The following G6PC2 variants were observed in gnomAD, a reference collection of about 807,000 sequenced individuals.
G6PC2 encodes glucose-6-phosphatase 2.
In G6PC2, 41 loss-of-function variants were observed where a neutral mutation model predicts 35.4. The ratio of observed to expected loss-of-function variants is 1.16; its 90% CI spans 0.90 to 1.50. The LOEUF is 1.50. G6PC2 is among the 40% of genes most tolerant of loss of function. The pLI, the probability that G6PC2 is intolerant of heterozygous loss-of-function variation, is 0.00. For missense variants in G6PC2, 441 were observed against 426.5 expected, an observed-to-expected ratio of 1.03 and a Z score of -0.30; for synonymous variants, 165 against 153.2, an observed-to-expected ratio of 1.08 and a Z score of -0.57.
chr2:168,902,183 A>G (rs1023173246), intron 1 of G6PC2, among the ~76,000 whole-genome samples: 1 of 152,254 alleles, frequency 6.6e-6, no homozygotes, highest in Non-Finnish European at 1.5e-5. Flanking sequence ...CTAAGTATCC[A>G]AAGCACCCAT....
intron 2 of G6PC2, among the ~76,000 whole-genome samples, chr2:168,903,633 A>G (rs116700239): frequency 3.9e-4 from 59 of 152,258 alleles, no homozygotes; most frequent in African/African-American, 1.4e-3. Context: ...AGAGAAAAGA[A>G]AGAAAGACTG....
rs1455537065 is a variant in G6PC2 at position 168,908,397 on chromosome 2, C to G, written c.*318C>G. 4.8e-6 allele frequency: 2 copies of G among 416,016 alleles called. No individual in the cohort carries two copies. Among genetic ancestry groups the G allele is most frequent in the African/African-American group, 2.0e-5 (1 of 49,442 alleles). 25.8% of individuals were successfully genotyped at this position (416,016 alleles called of 1,614,324 possible). ...CTGACCAGAGCTGCATACTAACAGT[C>G]CCCAGTAGGAGGCAAGGACTCCATT... is the stretch of plus-strand genomic sequence containing the variant. On this transcript the variant is annotated 3_prime_UTR_variant, in exon 5 of 5. Transcript: ENST00000375363.
Position 168,906,763 on chromosome 2 carries a change from T to A in G6PC2, c.540T>A (p.Ile180=), listed in dbSNP as rs774625522. ...CAACACATTTTCCTCATCAAGTTATTCTTGGAGTAATTGGTGGTAAATATG... is the reference window on the plus strand; with the variant it reads ...CAACACATTTTCCTCATCAAGTTATACTTGGAGTAATTGGTGGTAAATATG... ...FIATHFPHQV[I]LGVIGGMLVA... The change falls in exon 4 of 5, where the codon ATT becomes ATA. Residue 180 remains isoleucine (I), a synonymous_variant. Coordinates refer to ENST00000375363, the MANE Select transcript of G6PC2 (RefSeq NM_021176.3). 5.9e-6 allele frequency: 9 copies of A among 1,524,758 alleles called. No homozygotes were observed. The highest frequency in any genetic ancestry group is 1.4e-5 in the African/African-American group (1 of 73,178). 94.5% of individuals were successfully genotyped at this position (1,524,758 alleles called of 1,614,324 possible).
chr2:168,908,291 A>C lies in G6PC2; in HGVS notation c.*212A>C. 1.7e-6 allele frequency: 1 copy of C among 601,968 alleles called. No individual in the cohort carries two copies. Among genetic ancestry groups the C allele is most frequent in the Non-Finnish European group, 2.9e-6 (1 of 340,416 alleles). 37.3% of individuals were successfully genotyped at this position (601,968 alleles called of 1,614,324 possible). A position where few individuals can be genotyped will look rare whatever the true frequency, so the allele number is the denominator to read the frequency against. ...CAATATTTAGATACAAGAATATTTG[A>C]CATAAAAATCGGAAGTTCTGTATTT... is the stretch of plus-strand genomic sequence containing the variant. On this transcript the variant is annotated 3_prime_UTR_variant, in exon 5 of 5. Transcript: ENST00000375363.
chr2:168,902,663 A>C, intron 2 of G6PC2, 109 bp downstream of exon 2: 68 of 722,440 alleles, frequency 9.4e-5, no homozygotes, highest in East Asian at 2.4e-4. Flanking sequence ...AGAAAATCTC[A>C]TGAGTGAGGA....
chr2:168,909,646 G>A lies in G6PC2; in HGVS notation c.*1567G>A, dbSNP rs969666833. ...ATCTAGGAATGCTGGGCTTTAAGTT[G>A]ATAACTGTGTCATTTCAATCAAGTA... On this transcript the variant is annotated 3_prime_UTR_variant, in exon 5 of 5. Transcript: ENST00000375363. 6.6e-6 allele frequency: 1 copy of A among 152,108 alleles called. No individual in the cohort carries two copies. The highest frequency in any genetic ancestry group is 2.4e-5 in the African/African-American group (1 of 41,406). The allele number at this position is 152,108 out of a possible 1,614,324, so 9.4% of individuals were successfully genotyped here. A position where few individuals can be genotyped will look rare whatever the true frequency, so the allele number is the denominator to read the frequency against.
At chr2:168,902,121 C>T (rs931348455) in intron 1 of G6PC2, among the ~76,000 whole-genome samples, 9 of 152,124 alleles carry the variant, frequency 5.9e-5, no homozygotes, top group African/African-American at 1.4e-4. Context: ...ACATGAGCAG[C>T]GTGATAATGA....
rs188608901 is a variant in G6PC2 at position 168,909,485 on chromosome 2, C to T, written c.*1406C>T. On this transcript the variant is annotated 3_prime_UTR_variant, in exon 5 of 5. Transcript: ENST00000375363. ...ACCCAGGCCAACTATTAAATGCTTG[C>T]ATCTGTTAGCTGGATTAGTCTCTAT... 3 of 152,348 alleles carry T rather than the reference C, an allele frequency of 2.0e-5. No homozygotes were observed. The highest frequency in any genetic ancestry group is 2.0e-4 in the Admixed American group (3 of 15,302). The allele number at this position is 152,348 out of a possible 1,614,324, so 9.4% of individuals were successfully genotyped here. A position where few individuals can be genotyped will look rare whatever the true frequency, so the allele number is the denominator to read the frequency against.
rs777921361 is a variant in G6PC2 at position 168,901,483 on chromosome 2, A to G, written c.152A>G (p.Gln51Arg). The G allele has an allele frequency of 1.1e-5, 17 of 1,600,652 alleles. No homozygotes were observed. The highest frequency in any genetic ancestry group is 1.3e-5 in the Non-Finnish European group (15 of 1,167,824). ...TTTCCACTTTGTTTTCAATTTAATC[A>G]GACAGTTGGAACCAAGATGATATGG... The part of the protein sequence containing the change: ...IYFPLCFQFN[Q>R]TVGTKMIWVA... The change falls in exon 1 of 5, where the codon CAG (glutamine) becomes CGG (arginine). Residue 51 changes from glutamine to arginine, a missense_variant. Coordinates refer to ENST00000375363, the MANE Select transcript of G6PC2 (RefSeq NM_021176.3).
chr2:168,901,510 T>G lies in G6PC2; in HGVS notation c.179T>G (p.Val60Gly). 1.9e-6 allele frequency: 3 copies of G among 1,580,598 alleles called. No homozygotes were observed. The highest frequency in any genetic ancestry group is 2.6e-6 in the Non-Finnish European group (3 of 1,149,560). ...NQTVGTKMIW[V>G]AVIGDWLNLI... Reference sequence around the variant, plus strand: ...ACAGTTGGAACCAAGATGATATGGGTAGCAGTCATTGGGGATTGGTTAAAT... The same window carrying G: ...ACAGTTGGAACCAAGATGATATGGGGAGCAGTCATTGGGGATTGGTTAAAT... Residue 60 changes from valine (V) to glycine (G), a missense_variant, in exon 1 of 5, where the codon GTA (valine) becomes GGA (glycine). By Grantham distance (109) the Val-to-Gly change is moderately radical (BLOSUM62 -3). Transcript: ENST00000375363.
intron 4 of G6PC2, 29 bp from the exon 5 acceptor site, chr2:168,907,539 C>G (rs772144472): frequency 1.2e-6 from 2 of 1,611,104 alleles, no homozygotes; most frequent in Non-Finnish European, 1.7e-6. Context: ...GGCACACAGT[C>G]ATTGTCAGTG....
At chr2:168,901,735 TTG>T (rs1194160741) in intron 1 of G6PC2, among the ~76,000 whole-genome samples, 186 bp downstream of exon 1, 2 of 91,564 alleles carry the variant, frequency 2.2e-5, no homozygotes, top group African/African-American at 5.3e-5. Flanking sequence ...ATATATGTTT[TTG>T]TTTTTTTTTT....
intron 3 of G6PC2, among the ~76,000 whole-genome samples, chr2:168,905,362 T>G (rs189573520): frequency 6.6e-6 from 1 of 152,250 alleles, no homozygotes; most frequent in East Asian, 1.9e-4. Context: ...CTGTAACATA[T>G]GCCATTATTA....
intron 2 of G6PC2, among the ~76,000 whole-genome samples, chr2:168,903,328 T>C (rs1206861530): frequency 6.6e-6 from 1 of 152,216 alleles, no homozygotes; most frequent in African/African-American, 2.4e-5. Context: ...ATGTGTAAAT[T>C]CTTAATGAGT....
At chr2:168,904,198 A>C (rs1345182272) in intron 2 of G6PC2, among the ~76,000 whole-genome samples, 2 of 152,054 alleles carry the variant, frequency 1.3e-5, no homozygotes, top group African/African-American at 4.8e-5. Context: ...AATATTGAAG[A>C]ATGAGTAGGG....
At chr2:168,901,584 AT>A in intron 1 of G6PC2, 35 bp downstream of exon 1, 1 of 1,084,290 alleles carries the variant, frequency 9.2e-7, no homozygotes, top group Non-Finnish European at 1.4e-6. Context: ...TTTTCCTAAG[AT>A]TTATCCTTAA....
chr2:168,904,839 T>A (rs1690673106), intron 3 of G6PC2, among the ~76,000 whole-genome samples: 1 of 152,246 alleles, frequency 6.6e-6, no homozygotes, highest in Admixed American at 6.5e-5. Context: ...TTGGAAATGT[T>A]TAACTGATTA....
Position 168,907,782 on chromosome 2 carries a change from T to A in G6PC2, c.771T>A (p.Ala257=). The change falls in exon 5 of 5, where the codon GCT becomes GCA. Residue 257 remains alanine (A), a synonymous_variant. Transcript: ENST00000375363. ...TCCACATTGACACCACGCCTTTTGC[T>A]GGACTCGTGAGAAACCTTGGGGTCC... ...DWIHIDTTPF[A]GLVRNLGVLF... 6.2e-7 allele frequency: 1 copy of A among 1,614,186 alleles called. No homozygotes were observed. Among genetic ancestry groups the A allele is most frequent in the East Asian group, 2.2e-5 (1 of 44,876 alleles).
At position 168,907,760 on chromosome 2, in the gene G6PC2, A is replaced by C; in HGVS notation, c.749A>C (p.His250Pro). The C allele has an allele frequency of 6.2e-7, 1 of 1,614,098 alleles. No individual in the cohort carries two copies. Among genetic ancestry groups the C allele is most frequent in the East Asian group, 2.2e-5 (1 of 44,866 alleles). ...KKWCANPDWI[H>P]IDTTPFAGLV... ...TGGTGTGCTAACCCCGACTGGATCC[A>C]CATTGACACCACGCCTTTTGCTGGA... The change falls in exon 5 of 5, where the codon CAC becomes CCC. Residue 250 changes from histidine (H) to proline (P), a missense_variant. Transcript: ENST00000375363.
Sources: gnomAD v4.1 joint callset for allele counts (sites outside exome capture counted in the v4.1 genomes callset) on GRCh38, gnomAD v4.1.1 for gene constraint, MANE v1.5 for transcripts, NCBI Gene and HGNC (gene_info 2026-07-23, HGNC 2026-07-21) for gene names.